SPTBN5: variants seen among roughly 807,000 people sequenced by gnomAD.
SPTBN5 encodes the protein spectrin beta, non-erythrocytic 5, also known as spectrin beta chain, non-erythrocytic 5.
SPTBN5 carries 513 observed loss-of-function variants against 477.6 expected under a neutral mutation model. That is an observed-to-expected ratio of 1.07 (90% confidence interval 1.00 to 1.16). The LOEUF is 1.16. SPTBN5 is among the 50% of genes most tolerant of loss of function. The pLI, the probability that SPTBN5 is intolerant of heterozygous loss-of-function variation, is 0.00. For missense variants in SPTBN5, 5,062 were observed against 4,731.8 expected (o/e 1.07, Z -2.05); for synonymous variants, 2,169 against 2,011.7 (o/e 1.08, Z -2.09).
intron 27 of SPTBN5, 88 bp from the exon 28 acceptor site, chr15:41,872,005 C>A: frequency 7.0e-7 from 1 of 1,420,474 alleles, no homozygotes; most frequent in Non-Finnish European, 9.3e-7. Context: ...AATCTGAAAA[C>A]TGGGGTTACT....
chr15:41,854,850 G>A lies in SPTBN5; in HGVS notation c.9550C>T (p.Gln3184Ter), dbSNP rs751210213. ...RGAPRRYPHI[Q>*]AQRSRIEAAW... ...GCCTCAATGCGGCTCCTCTGGGCTT[G>A]GATGTGGGGATAGCGCCTGGGTGCA... The change falls in exon 56 of 68, where the codon CAA becomes TAA. Residue 3184 changes from glutamine to a stop codon, truncating the protein, a stop_gained. Transcript: ENST00000320955. LOFTEE classifies it high-confidence loss of function. The A allele has an allele frequency of 6.2e-7, 1 of 1,607,880 alleles. No homozygotes were observed. Among genetic ancestry groups the A allele is most frequent in the Non-Finnish European group, 8.5e-7 (1 of 1,176,982 alleles).
chr15:41,876,486 T>TCTGTGCAGCCTACAGAGCA, intron 20 of SPTBN5, 62 bp downstream of exon 20: 1 of 1,446,816 alleles, frequency 6.9e-7, no homozygotes, highest in Non-Finnish European at 9.5e-7. Context: ...TGCACAGAGC[T>TCTGTGCAGCCTACAGAGCA]CTGTACGGTC....
rs1407426077 is a variant in SPTBN5, at chr15:41,876,797, G to C, written c.3851+12C>G. 3 of 1,609,762 alleles carry C rather than the reference G, an allele frequency of 1.9e-6. No individual in the cohort carries two copies. The South Asian group carries it at 3.3e-5, about 18-fold the overall frequency. ...GTCATCTGCAGGTGCTGCAGACTGA[G>C]GCCAGGCTCACGTGTGTGCAGCTGG... On this transcript the variant is annotated intron_variant, in intron 19 of 67. Transcript: ENST00000320955.
intron 3 of SPTBN5, among the ~76,000 whole-genome samples, chr15:41,891,488 G>T (rs1163827389): frequency 6.6e-6 from 1 of 152,188 alleles, no homozygotes; most frequent in Non-Finnish European, 1.5e-5. Flanking sequence ...CAGCTCCTGA[G>T]AGCCTATCCT....
At chr15:41,868,027 A>G (rs750199657) in intron 34 of SPTBN5, 42 bp downstream of exon 34, 2 of 1,560,554 alleles carry the variant, frequency 1.3e-6, no homozygotes, top group Admixed American at 3.8e-5. Flanking sequence ...AGAAAGGAGG[A>G]GCAGGAGGCT....
chr15:41,867,995 G>C, intron 34 of SPTBN5, 74 bp downstream of exon 34: 1 of 1,485,540 alleles, frequency 6.7e-7, no homozygotes, highest in Non-Finnish European at 8.9e-7. Flanking sequence ...CAGGAGGAAA[G>C]GGACTGAGCA....
intron 57 of SPTBN5, 37 bp from the exon 58 acceptor site, chr15:41,853,824 C>G (rs1027465766): frequency 2.0e-6 from 3 of 1,514,674 alleles, no homozygotes; most frequent in Non-Finnish European, 2.7e-6. Context: ...TCAGTCCCCC[C>G]ACTGAGCCGA....
chr15:41,853,975 G>A, intron 57 of SPTBN5, 75 bp downstream of exon 57: 2 of 1,490,536 alleles, frequency 1.3e-6, no homozygotes, highest in Non-Finnish European at 1.8e-6. Context: ...GGGGTGGGAG[G>A]GCTGAGATAG....
intron 14 of SPTBN5, 28 bp downstream of exon 14, chr15:41,880,132 A>C: frequency 1.3e-6 from 2 of 1,555,198 alleles, no homozygotes; most frequent in South Asian, 2.5e-5. Flanking sequence ...CAAGGCGAGG[A>C]GGAGGTGCCA....
At chr15:41,870,731 C>G (rs929582137) in intron 29 of SPTBN5, among the ~76,000 whole-genome samples, 171 bp from the exon 30 acceptor site, 5 of 152,254 alleles carry the variant, frequency 3.3e-5, no homozygotes, top group African/African-American at 1.2e-4. Flanking sequence ...CACCTTCTTC[C>G]TGGGAGCCTG....
In SPTBN5 at chr15:41,882,300, G is replaced by A; in HGVS notation, c.2216C>T (p.Ala739Val). ...LLQTRVVGRG[A>V]RLQTALLVLQ... ...GACCAGCAGGGCTGTCTGCAGCCGTGCGCCCCGCCCCACCACCCGGGTCTG... is the reference window on the plus strand; with the variant it reads ...GACCAGCAGGGCTGTCTGCAGCCGTACGCCCCGCCCCACCACCCGGGTCTG... Residue 739 changes from alanine (A) to valine (V), a missense_variant, in exon 11 of 68, where the codon GCA becomes GTA. By Grantham distance (64) the Ala-to-Val change is moderately conservative. Transcript: ENST00000320955. The A allele has an allele frequency of 6.6e-7, 1 of 1,519,738 alleles. No individual in the cohort carries two copies. Among genetic ancestry groups the A allele is most frequent in the Non-Finnish European group, 8.8e-7 (1 of 1,137,192 alleles). The allele number at this position is 1,519,738 out of a possible 1,614,324, so 94.1% of individuals were successfully genotyped here. A position where few individuals can be genotyped will look rare whatever the true frequency, so the allele number is the denominator to read the frequency against.
chr15:41,856,693 C>A (rs2065938001), intron 52 of SPTBN5, 95 bp from the exon 53 acceptor site: 2 of 1,382,258 alleles, frequency 1.4e-6, no homozygotes, highest in Admixed American at 2.4e-5. Context: ...ACTAACTTGT[C>A]CCCAAGGAGT....
chr15:41,862,649 A>G lies in SPTBN5; in HGVS notation c.7275T>C (p.Arg2425=). Residue 2425 remains arginine, a synonymous_variant, in exon 43 of 68, where the codon CGT becomes CGC. Transcript: ENST00000320955. ...PIQAQVESLE[R]EVGRLCQRSP... ...TTCTTTGGCAGAGGCGGCCCACTTC[A>G]CGCTCTAGGGACTGCGGGGGAAGCC... 3 of 1,553,884 alleles carry G rather than the reference A, an allele frequency of 1.9e-6. No homozygotes were observed. The South Asian group carries it at 3.5e-5, about 18-fold the overall frequency.
intron 14 of SPTBN5, 52 bp downstream of exon 14, chr15:41,880,108 C>G: frequency 6.5e-7 from 1 of 1,532,626 alleles, no homozygotes. Context: ...CAGCAGACCA[C>G]AGGGAGGCAG....
chr15:41,889,234 C>A (rs2067242147), intron 4 of SPTBN5, among the ~76,000 whole-genome samples: 1 of 152,206 alleles, frequency 6.6e-6, no homozygotes, highest in African/African-American at 2.4e-5. Context: ...CCTGCAGACA[C>A]ACAAGACCCC....
rs774844691 is a variant in SPTBN5 at position 41,852,615 on chromosome 15, T to G, written c.10449+19A>C. ...TGTTCCCCCACCAGCCCTCAGCCCC[T>G]AGCCGAGGCAGTCGTCACCTCTGTC... On this transcript the variant is annotated intron_variant, in intron 61 of 67. Coordinates refer to ENST00000320955, the MANE Select transcript of SPTBN5 (RefSeq NM_016642.4). 6.8e-6 allele frequency: 11 copies of G among 1,611,012 alleles called. No homozygotes were observed. The highest frequency in any genetic ancestry group is 9.3e-6 in the Non-Finnish European group (11 of 1,177,848).
chr15:41,881,254 G>A lies in SPTBN5; in HGVS notation c.2458-20C>T, dbSNP rs377494682. On this transcript the variant is annotated intron_variant, in intron 12 of 67. Transcript: ENST00000320955. Reference sequence around the variant, plus strand: ...GTTCACCTGTGTGACAAAGGGCAGCGCGTCTACAGGCGACCCCATCAAGCA... The same window carrying A: ...GTTCACCTGTGTGACAAAGGGCAGCACGTCTACAGGCGACCCCATCAAGCA... 402 of 1,572,640 alleles carry A rather than the reference G, an allele frequency of 2.6e-4. 1 individual carries two copies. Among genetic ancestry groups the A allele is most frequent in the Middle Eastern group, 2.3e-4 (1 of 4,272 alleles).
rs2140940871 is a variant in SPTBN5, at chr15:41,869,892, C to T, written c.5802G>A (p.Gln1934=). ...AWAVLQRRME[Q]RRAQLERARL... ...GTGCCCGCTCCAGCTGGGCCCTGCGCTGCTCCATGCGTCGCTGCAGCACTG... is the reference window on the plus strand; with the variant it reads ...GTGCCCGCTCCAGCTGGGCCCTGCGTTGCTCCATGCGTCGCTGCAGCACTG... Residue 1934 remains glutamine, a synonymous_variant, in exon 32 of 68, where the codon CAG becomes CAA. Transcript: ENST00000320955. 1 of 1,554,992 alleles carries T rather than the reference C, an allele frequency of 6.4e-7. No individual in the cohort carries two copies. Among genetic ancestry groups the T allele is most frequent in the East Asian group, 2.4e-5 (1 of 42,242 alleles).
rs2065945891 is a variant in SPTBN5 at position 41,857,029 on chromosome 15, G to A, written c.8632C>T (p.Leu2878=). 3.1e-6 allele frequency: 5 copies of A among 1,603,202 alleles called. No individual in the cohort carries two copies. The highest frequency in any genetic ancestry group is 3.4e-6 in the Non-Finnish European group (4 of 1,175,620). ...ARRLLQRFKS[L]REPLQERRTA... Reference sequence around the variant, plus strand: ...CTGCGCTCCTGCAGGGGCTCCCTCAGGCTCTTGAACCTGCAGCGGTGGAGG... The same window carrying A: ...CTGCGCTCCTGCAGGGGCTCCCTCAAGCTCTTGAACCTGCAGCGGTGGAGG... The change falls in exon 52 of 68, where the codon CTG becomes TTG. Residue 2878 remains leucine (L), a synonymous_variant. Transcript: ENST00000320955.
Sources: gnomAD v4.1 joint callset for allele counts (sites outside exome capture counted in the v4.1 genomes callset) on GRCh38, gnomAD v4.1.1 for gene constraint, MANE v1.5 for transcripts, NCBI Gene and HGNC (gene_info 2026-07-23, HGNC 2026-07-21) for gene names.